Variants in TRIO observed in about 807,000 individuals in gnomAD.
TRIO encodes trio Rho guanine nucleotide exchange factor.
Under a neutral mutation model 351.9 loss-of-function variants are expected in TRIO, and 58 were observed. The observed-to-expected ratio is 0.16, with a 90% confidence interval of 0.13 to 0.21. The LOEUF is 0.21. Among genes scored for constraint, TRIO ranks in the 10% least tolerant of loss-of-function variants. The probability of loss-of-function intolerance (pLI) is 1.00; values close to 1 mark genes in which losing one functional copy is unlikely to be tolerated. For missense variants in TRIO, 3,201 were observed against 4,027.8 expected (o/e 0.79, Z 5.56); for synonymous variants, 1,758 against 1,595.7 (o/e 1.10, Z -2.42).
chr5:14,503,245 T>A (rs1757421116), intron 54 of TRIO, among the ~76,000 whole-genome samples: 1 of 152,210 alleles, frequency 6.6e-6, no homozygotes, highest in South Asian at 2.1e-4. Flanking sequence ...CAGAGGAGCA[T>A]GACAGCTGTC....
At chr5:14,409,113 C>T (rs1036963071) in intron 33 of TRIO, among the ~76,000 whole-genome samples, 10 of 152,038 alleles carry the variant, frequency 6.6e-5, no homozygotes, top group African/African-American at 7.2e-5. Context: ...TTATCTCCTG[C>T]GTGTGGAGAA....
At position 14,397,289 on chromosome 5, in the gene TRIO, A is replaced by G. The variant is rs577992582; in HGVS notation, c.4423+135A>G. 2.8e-5 allele frequency: 19 copies of G among 686,230 alleles called. No individual in the cohort carries two copies. In the East Asian group the frequency reaches 2.8e-4, roughly 10 times the overall value. 42.5% of individuals were successfully genotyped at this position (686,230 alleles called of 1,614,324 possible). On this transcript the variant is annotated intron_variant, in intron 29 of 56. Transcript: ENST00000344204. ...GGTTAAGAACATTTCTTAAAGAATC[A>G]GTGTCATTGCTTTTCTTGAGGACCA...
chr5:14,228,848 G>C (rs563731497), intron 1 of TRIO, among the ~76,000 whole-genome samples: 1 of 152,086 alleles, frequency 6.6e-6, no homozygotes, highest in African/African-American at 2.4e-5. Flanking sequence ...TCCAGCCTGG[G>C]TGACAGAGTG....
intron 54 of TRIO, 56 bp downstream of exon 54, chr5:14,502,713 C>A (rs2126701380): frequency 6.5e-7 from 1 of 1,528,582 alleles, no homozygotes; most frequent in Non-Finnish European, 9.1e-7. Context: ...GGAAGACATA[C>A]CAGAGAGTGC....
intron 10 of TRIO, among the ~76,000 whole-genome samples, chr5:14,332,789 A>G (rs1431347506): frequency 6.6e-6 from 1 of 152,182 alleles, no homozygotes; most frequent in East Asian, 1.9e-4. Flanking sequence ...TTGCTGTAAA[A>G]TGATACCTAA....
At chr5:14,308,811 C>T (rs947549705) in intron 8 of TRIO, among the ~76,000 whole-genome samples, 35 of 147,596 alleles carry the variant, frequency 2.4e-4, no homozygotes, top group African/African-American at 8.0e-4. Flanking sequence ...CAGCCATCCA[C>T]CTACATTTAT....
chr5:14,462,613 G>T, intron 35 of TRIO, 142 bp from the exon 36 acceptor site: 1 of 1,194,514 alleles, frequency 8.4e-7, no homozygotes, highest in Admixed American at 2.3e-5. Flanking sequence ...GAGAGGAAAA[G>T]TTACCATCGA....
chr5:14,336,605 C>T lies in TRIO; in HGVS notation c.1924C>T (p.Pro642Ser). ...EQLAQTGECD[P>S]EEIYQAAHQL... ...GCTGGCTCAGACTGGGGAATGTGAC[C>T]CCGAAGAGATTTATCAGGCTGCCCA... The change falls in exon 11 of 57, where the codon CCC becomes TCC. Residue 642 changes from proline to serine, a missense_variant. Transcript: ENST00000344204. The T allele has an allele frequency of 1.9e-6, 3 of 1,614,106 alleles. No homozygotes were observed. Among genetic ancestry groups the T allele is most frequent in the Admixed American group, 1.7e-5 (1 of 60,022 alleles).
chr5:14,507,088 G>T, intron 55 of TRIO, 34 bp from the exon 56 acceptor site: 1 of 1,539,764 alleles, frequency 6.5e-7, no homozygotes, highest in South Asian at 1.3e-5. Context: ...AAAGCAAATC[G>T]CATCATAACA....
chr5:14,440,437 C>CA (rs1751933824), intron 34 of TRIO, among the ~76,000 whole-genome samples: 1 of 152,138 alleles, frequency 6.6e-6, no homozygotes, highest in Non-Finnish European at 1.5e-5. Context: ...TGGTGTGGGA[C>CA]AAGGGAGCGA....
intron 34 of TRIO, among the ~76,000 whole-genome samples, chr5:14,435,956 G>A (rs1157828201): frequency 6.6e-6 from 1 of 152,192 alleles, no homozygotes; most frequent in Non-Finnish European, 1.5e-5. Flanking sequence ...AGGTTTGGGT[G>A]CTAGGTATGC....
At chr5:14,350,650 C>T (rs1742997697) in intron 11 of TRIO, among the ~76,000 whole-genome samples, 3 of 152,136 alleles carry the variant, frequency 2.0e-5, no homozygotes, top group African/African-American at 7.2e-5. Context: ...TGCATAGCTG[C>T]CCTGAATATG....
At chr5:14,421,603 G>GAAA (rs377508422) in intron 34 of TRIO, among the ~76,000 whole-genome samples, 3,715 of 109,168 alleles carry the variant, frequency 0.034, 210 homozygotes, top group African/African-American at 0.11. Flanking sequence ...GACTCCATCT[G>GAAA]AAAAAAAAAA....
intron 34 of TRIO, among the ~76,000 whole-genome samples, chr5:14,445,454 A>G (rs1401849318): frequency 6.6e-6 from 1 of 152,194 alleles, no homozygotes; most frequent in Non-Finnish European, 1.5e-5. Flanking sequence ...CACATCTTCT[A>G]GTCTGTTTAT....
At chr5:14,239,312 T>C (rs1793986760) in intron 1 of TRIO, among the ~76,000 whole-genome samples, 1 of 151,938 alleles carries the variant, frequency 6.6e-6, no homozygotes, top group Admixed American at 6.6e-5. Flanking sequence ...TTCTTGAAAA[T>C]GTAGTTATTC....
chr5:14,362,530 T>A (rs1470603797), intron 13 of TRIO, among the ~76,000 whole-genome samples: 1 of 152,210 alleles, frequency 6.6e-6, no homozygotes, highest in Non-Finnish European at 1.5e-5. Flanking sequence ...CTGAAATAAC[T>A]AGATTGGTTG....
At chr5:14,387,675 C>T (rs370898247) in intron 22 of TRIO, 43 bp downstream of exon 22, 20 of 1,609,284 alleles carry the variant, frequency 1.2e-5, no homozygotes, top group Non-Finnish European at 1.7e-5. Flanking sequence ...GGTCTTCTTC[C>T]TAACGCCCTC....
At chr5:14,484,903 A>C (rs1221161975) in intron 46 of TRIO, among the ~76,000 whole-genome samples, 166 bp from the exon 47 acceptor site, 1 of 152,208 alleles carries the variant, frequency 6.6e-6, no homozygotes, top group Non-Finnish European at 1.5e-5. Context: ...TAACGTCTTC[A>C]AGGTTCATCC....
intron 1 of TRIO, among the ~76,000 whole-genome samples, chr5:14,155,641 G>A (rs1292164615): frequency 6.6e-6 from 1 of 152,164 alleles, no homozygotes; most frequent in African/African-American, 2.4e-5. Flanking sequence ...CCCAGTTTGG[G>A]TTGCCTGATT....
Sources: allele counts gnomAD v4.1 joint callset (sites outside exome capture counted in the v4.1 genomes callset), GRCh38; gene constraint gnomAD v4.1.1; transcripts MANE v1.5; gene names NCBI Gene and HGNC (gene_info 2026-07-23, HGNC 2026-07-21).